VRK1: variants seen among roughly 807,000 people sequenced by gnomAD.
VRK1 encodes the protein VRK serine/threonine kinase 1.
Under a neutral mutation model 57.1 loss-of-function variants are expected in VRK1, and 33 were observed. That is an observed-to-expected ratio of 0.58 (90% CI 0.44 to 0.77). The LOEUF is 0.77. Among genes scored for constraint, VRK1 ranks in the 30% least tolerant of loss-of-function variants. The probability of loss-of-function intolerance (pLI) is 0.00; values close to 1 mark genes in which losing one functional copy is unlikely to be tolerated. For missense variants in VRK1, 413 were observed against 477.3 expected, an observed-to-expected ratio of 0.87 and a Z score of 1.25; for synonymous variants, 137 against 147.8, an observed-to-expected ratio of 0.93 and a Z score of 0.53.
At chr14:96,812,142 C>A (rs557016653) in intron 1 of VRK1, among the ~76,000 whole-genome samples, 89 of 152,110 alleles carry the variant, frequency 5.9e-4, no homozygotes, top group Non-Finnish European at 1.0e-3. Flanking sequence ...GAATAATATT[C>A]CATTGTATAG....
At chr14:96,831,196 A>G (rs1886990935) in intron 1 of VRK1, among the ~76,000 whole-genome samples, 1 of 152,184 alleles carries the variant, frequency 6.6e-6, no homozygotes. Context: ...TGCTGATACC[A>G]CACAGATCTT....
At chr14:96,800,306 T>C (rs1885608361) in intron 1 of VRK1, among the ~76,000 whole-genome samples, 1 of 152,180 alleles carries the variant, frequency 6.6e-6, no homozygotes, top group African/African-American at 2.4e-5. Context: ...AGTAATTTCA[T>C]GCACTTTCCC....
At chr14:96,880,623 A>G (rs1189408109) in intron 12 of VRK1, among the ~76,000 whole-genome samples, 1 of 152,182 alleles carries the variant, frequency 6.6e-6, no homozygotes, top group Non-Finnish European at 1.5e-5. Context: ...ATCACATATG[A>G]TCCTTTTCCA....
Position 96,856,587 on chromosome 14 carries a change from G to A in VRK1, c.889+1G>A, listed in dbSNP as rs1482696609. The stretch of plus-strand genomic sequence containing the variant: ...TGTTTTCCTGAGAAAAACAAACCAG[G>A]TAGGAAATGACTTCTTCAGTGTTAA... On this transcript the variant is annotated splice_donor_variant, in intron 10 of 12. Transcript: ENST00000216639. LOFTEE classifies it high-confidence loss of function. The A allele has an allele frequency of 6.2e-7, 1 of 1,612,952 alleles. No individual in the cohort carries two copies. The highest frequency in any genetic ancestry group is 1.1e-5 in the South Asian group (1 of 91,046).
At chr14:96,806,343 C>T (rs1417732775) in intron 1 of VRK1, among the ~76,000 whole-genome samples, 1 of 152,216 alleles carries the variant, frequency 6.6e-6, no homozygotes, top group Non-Finnish European at 1.5e-5. Context: ...GATAATTGTT[C>T]TCTTCTTCAT....
chr14:96,807,974 T>C (rs1469931419), intron 1 of VRK1, among the ~76,000 whole-genome samples: 1 of 116,278 alleles, frequency 8.6e-6, no homozygotes, highest in Non-Finnish European at 1.9e-5. Context: ...TCCCTCTCTC[T>C]CTGTCTCTCT....
intron 1 of VRK1, among the ~76,000 whole-genome samples, chr14:96,810,711 G>C (rs1886158443): frequency 6.6e-6 from 1 of 152,096 alleles, no homozygotes; most frequent in South Asian, 2.1e-4. Context: ...AATGTTTTCT[G>C]ATTTTCATTC....
chr14:96,816,186 C>G (rs1243430375), intron 1 of VRK1, among the ~76,000 whole-genome samples: 1 of 152,122 alleles, frequency 6.6e-6, no homozygotes, highest in African/African-American at 2.4e-5. Flanking sequence ...CCCTGATGTT[C>G]AGAAGCCTCA....
intron 1 of VRK1, among the ~76,000 whole-genome samples, chr14:96,815,641 T>C (rs1886363550): frequency 6.6e-6 from 1 of 151,876 alleles, no homozygotes; most frequent in Non-Finnish European, 1.5e-5. Context: ...CCCAACACTT[T>C]GGAAGGCTGA....
intron 8 of VRK1, 67 bp from the exon 9 acceptor site, chr14:96,856,063 T>C: frequency 3.2e-6 from 5 of 1,551,500 alleles, no homozygotes; most frequent in Non-Finnish European, 4.4e-6. Flanking sequence ...TATTACTTTA[T>C]ATATACTTTA....
chr14:96,815,133 A>G (rs1229658058), intron 1 of VRK1, among the ~76,000 whole-genome samples: 1 of 152,154 alleles, frequency 6.6e-6, no homozygotes, highest in African/African-American at 2.4e-5. Context: ...AACCCAGTGC[A>G]TTTTCTTATT....
At chr14:96,827,877 GTA>G (rs1248584904) in intron 1 of VRK1, among the ~76,000 whole-genome samples, 1 of 152,058 alleles carries the variant, frequency 6.6e-6, no homozygotes, top group Non-Finnish European at 1.5e-5. Context: ...GAAATAATAA[GTA>G]TACTTCTTGA....
At chr14:96,824,727 C>A (rs544686163) in intron 1 of VRK1, among the ~76,000 whole-genome samples, 48 of 150,132 alleles carry the variant, frequency 3.2e-4, no homozygotes, top group Admixed American at 2.9e-3. Context: ...CGTCTCGGCT[C>A]ACTGCAAGCT....
At chr14:96,797,610 C>G (rs1885485100) in intron 1 of VRK1, among the ~76,000 whole-genome samples, 163 bp downstream of exon 1, 2 of 152,004 alleles carry the variant, frequency 1.3e-5, no homozygotes, top group South Asian at 4.1e-4. Flanking sequence ...CGGGACCGCG[C>G]TCCGCCGCGT....
At chr14:96,838,746 A>G (rs1258686760) in intron 3 of VRK1, among the ~76,000 whole-genome samples, 1 of 152,176 alleles carries the variant, frequency 6.6e-6, no homozygotes, top group East Asian at 1.9e-4. Flanking sequence ...CAGCCAAACC[A>G]TATCAACCAG....
intron 1 of VRK1, among the ~76,000 whole-genome samples, chr14:96,815,277 GA>G (rs1369222689): frequency 6.6e-6 from 1 of 152,168 alleles, no homozygotes; most frequent in Non-Finnish European, 1.5e-5. Flanking sequence ...TATTGTTAGT[GA>G]AAGAAATCAT....
chr14:96,833,254 G>A lies in VRK1; in HGVS notation c.-5-213G>A, dbSNP rs10134437. 0.13 allele frequency among the ~76,000 whole-genome samples: 19,797 copies of A among 152,114 alleles called. 1,636 individuals carry two copies. The highest frequency in any genetic ancestry group is 0.19 in the Non-Finnish European group (12,911 of 67,970). On this transcript the variant is annotated intron_variant, in intron 1 of 12. Coordinates refer to ENST00000216639, the MANE Select transcript of VRK1 (RefSeq NM_003384.3). Reference sequence around the variant, plus strand: ...AAACCTAATTATTTCCTTGAAAATAGTTGCATATATGATTTTATTGTTTCT... The same window carrying A: ...AAACCTAATTATTTCCTTGAAAATAATTGCATATATGATTTTATTGTTTCT...
chr14:96,846,628 G>A lies in VRK1; in HGVS notation c.286+464G>A, dbSNP rs189299408. Among the ~76,000 whole-genome samples the A allele has an allele frequency of 3.4e-3, 505 of 149,990 alleles. 1 individual carries two copies. Among genetic ancestry groups the A allele is most frequent in the Admixed American group, 5.2e-3 (78 of 15,012 alleles). On this transcript the variant is annotated intron_variant, in intron 4 of 12. Transcript: ENST00000216639. ...AGTAAACATTACATAATTAGAGAGA[G>A]AAACTGCAACTTCAGGATAGTCCAC...
intron 1 of VRK1, among the ~76,000 whole-genome samples, chr14:96,832,529 C>T (rs1215698884): frequency 2.6e-5 from 4 of 152,142 alleles, no homozygotes; most frequent in Admixed American, 1.3e-4. Context: ...CCTGAGGGCA[C>T]TTGAAGCCCA....
Sources: allele counts gnomAD v4.1 joint callset (sites outside exome capture counted in the v4.1 genomes callset), GRCh38; gene constraint gnomAD v4.1.1; transcripts MANE v1.5; gene names NCBI Gene and HGNC (gene_info 2026-07-23, HGNC 2026-07-21).